The following IFT122 variants were observed in gnomAD, a reference collection of about 807,000 sequenced individuals.
The protein encoded by IFT122 is intraflagellar transport protein 122 homolog.
Under a neutral mutation model 161.6 loss-of-function variants are expected in IFT122, and 118 were observed. That is an observed-to-expected ratio of 0.73 (90% CI 0.63 to 0.85). The LOEUF (loss-of-function observed/expected upper bound fraction) is 0.85, where lower values mean the gene tolerates loss of function less well. IFT122 is among the 40% of genes least tolerant of loss of function. IFT122 has a pLI of 0.00. For synonymous variants in IFT122, 550 were observed against 602.4 expected (o/e 0.91, Z 1.27); for missense variants, 1,381 against 1,579.6 (o/e 0.87, Z 2.13).
chr3:129,489,978 A>G (rs868793721), intron 16 of IFT122, among the ~76,000 whole-genome samples: 1 of 151,884 alleles, frequency 6.6e-6, no homozygotes, highest in Non-Finnish European at 1.5e-5. Flanking sequence ...AAAAAGCCAC[A>G]AGGTTTAATA....
At chr3:129,479,445 TAATA>T (rs1389095800) in intron 12 of IFT122, among the ~76,000 whole-genome samples, 2 of 151,552 alleles carry the variant, frequency 1.3e-5, no homozygotes, top group South Asian at 2.1e-4. Context: ...CAAAAACAAA[TAATA>T]AATAAATAAT....
intron 11 of IFT122, 144 bp downstream of exon 11, chr3:129,476,945 C>CA: frequency 1.6e-6 from 1 of 642,388 alleles, no homozygotes; most frequent in East Asian, 3.0e-5. Context: ...GTCTTGTTTT[C>CA]TTTTTTTTTT....
chr3:129,509,097 T>A (rs559836090), intron 23 of IFT122, among the ~76,000 whole-genome samples: 15 of 152,316 alleles, frequency 9.8e-5, no homozygotes, highest in African/African-American at 3.4e-4. Context: ...GTGGAGCTGG[T>A]CATCACGGTT....
chr3:129,440,416 G>C, intron 1 of IFT122, 45 bp downstream of exon 1: 2 of 1,544,660 alleles, frequency 1.3e-6, no homozygotes, highest in South Asian at 2.4e-5. Flanking sequence ...TCGAGTCCTC[G>C]CGGGGAGTGC....
At chr3:129,504,116 A>G (rs1353593083) in intron 20 of IFT122, 1 of 558,202 alleles carries the variant, frequency 1.8e-6, no homozygotes, top group East Asian at 3.1e-5. Context: ...AGTCGCTTGC[A>G]TATTGCTGTT....
chr3:129,478,033 G>T lies in IFT122; in HGVS notation c.1165G>T (p.Glu389Ter). ...TTTGACAGTTCGGATTAAATGCAAA[G>T]AGCTTGTCAAGAAGATTGCCATCTA... ...TEQKVRIKCKELVKKIAIYRN... is the reference protein window; with the variant it reads ...TEQKVRIKCK The change falls in exon 12 of 30, where the codon GAG becomes TAG. Residue 389 changes from glutamate (E) to a stop codon, truncating the protein, a stop_gained. Transcript: ENST00000348417. LOFTEE classifies it high-confidence loss of function. 2 of 1,614,128 alleles carry T rather than the reference G, an allele frequency of 1.2e-6. No homozygotes were observed. Among genetic ancestry groups the T allele is most frequent in the Non-Finnish European group, 1.7e-6 (2 of 1,179,990 alleles).
Position 129,483,541 on chromosome 3 carries a change from C to T in IFT122, c.1710C>T (p.Phe570=). 2 of 1,614,134 alleles carry T rather than the reference C, an allele frequency of 1.2e-6. No homozygotes were observed. The highest frequency in any genetic ancestry group is 1.3e-5 in the African/African-American group (1 of 75,018). Residue 570 remains phenylalanine (F), a synonymous_variant, in exon 15 of 30, where the codon TTC becomes TTT. Coordinates refer to ENST00000348417, the MANE Select transcript of IFT122 (RefSeq NM_052989.3). ...WNTQCEDMLC[F]SGGGYLNIKA... ...CCCAGTGTGAGGACATGCTCTGCTT[C>T]TCGGGAGGAGGCTACCTCAACATCA...
intron 29 of IFT122, 99 bp downstream of exon 29, chr3:129,519,831 C>T (rs996788694): frequency 1.5e-5 from 21 of 1,376,950 alleles, no homozygotes; most frequent in Non-Finnish European, 2.1e-5. Flanking sequence ...AGGAGGGGCA[C>T]ATCCATGGCT....
intron 28 of IFT122, 63 bp downstream of exon 28, chr3:129,519,249 G>A: frequency 7.0e-7 from 1 of 1,422,032 alleles, no homozygotes; most frequent in Non-Finnish European, 9.9e-7. Flanking sequence ...CTGTGCACAT[G>A]GGGACCCTCA....
intron 9 of IFT122, 136 bp from the exon 10 acceptor site, chr3:129,476,179 A>T: frequency 1.1e-6 from 1 of 886,576 alleles, no homozygotes; most frequent in Non-Finnish European, 1.8e-6. Context: ...ATGGGATGAC[A>T]CAGGAGAAAA....
intron 13 of IFT122, 69 bp downstream of exon 13, chr3:129,479,991 A>G (rs1291410082): frequency 1.9e-6 from 3 of 1,587,746 alleles, no homozygotes; most frequent in Non-Finnish European, 2.6e-6. Context: ...CCGTCTAGCA[A>G]TGACTCTGAG....
intron 15 of IFT122, among the ~76,000 whole-genome samples, chr3:129,485,138 A>G (rs1283839276): frequency 3.3e-5 from 5 of 152,218 alleles, no homozygotes. Context: ...ATTATTGTAA[A>G]TAGCAGGCAT....
At chr3:129,454,555 G>GTGCA (rs1553734614) in intron 3 of IFT122, among the ~76,000 whole-genome samples, 1 of 150,896 alleles carries the variant, frequency 6.6e-6, no homozygotes, top group Non-Finnish European at 1.5e-5. Flanking sequence ...GTGTGTGTGT[G>GTGCA]TGCATGTTTG....
intron 23 of IFT122, 119 bp downstream of exon 23, chr3:129,507,881 AGGAATCTT>A (rs2082349242): frequency 1.2e-6 from 1 of 806,540 alleles, no homozygotes; most frequent in Non-Finnish European, 2.1e-6. Flanking sequence ...TGAACTGCTG[AGGAATCTT>A]GGTCTCCTCT....
At chr3:129,470,042 C>T (rs1437509360) in intron 9 of IFT122, among the ~76,000 whole-genome samples, 1 of 151,906 alleles carries the variant, frequency 6.6e-6, no homozygotes, top group African/African-American at 2.4e-5. Flanking sequence ...TAGAGGTTAT[C>T]TTTGAGCAGG....
chr3:129,481,729 T>A, intron 14 of IFT122, 35 bp downstream of exon 14: 1 of 1,608,744 alleles, frequency 6.2e-7, no homozygotes, highest in Middle Eastern at 1.7e-4. Context: ...GACATCATCC[T>A]TTGATTAGAG....
chr3:129,508,036 C>T (rs1408988825), intron 23 of IFT122, among the ~76,000 whole-genome samples: 1 of 152,218 alleles, frequency 6.6e-6, no homozygotes, highest in Non-Finnish European at 1.5e-5. Flanking sequence ...CAGGGAAACT[C>T]TGCATTAACC....
chr3:129,450,528 G>A (rs926192849), intron 2 of IFT122, among the ~76,000 whole-genome samples: 4 of 152,112 alleles, frequency 2.6e-5, no homozygotes, highest in African/African-American at 9.7e-5. Flanking sequence ...TACGCAGACT[G>A]ATTAATCTCC....
chr3:129,451,526 G>C (rs1449704249), intron 2 of IFT122, among the ~76,000 whole-genome samples: 1 of 152,168 alleles, frequency 6.6e-6, no homozygotes, highest in Non-Finnish European at 1.5e-5. Context: ...TTGATTTAGT[G>C]CAGAGCTGGC....
Sources: allele counts gnomAD v4.1 joint callset (sites outside exome capture counted in the v4.1 genomes callset), GRCh38; gene constraint gnomAD v4.1.1; transcripts MANE v1.5; gene names NCBI Gene and HGNC (gene_info 2026-07-23, HGNC 2026-07-21).